CYP24A1: variants seen among roughly 807,000 people sequenced by gnomAD.
CYP24A1 encodes the protein 1,25-dihydroxyvitamin D(3) 24-hydroxylase, mitochondrial.
A neutral mutation model predicts 62.4 loss-of-function variants in CYP24A1; 68 were observed. The ratio of observed to expected loss-of-function variants is 1.09; its 90% CI spans 0.90 to 1.33. The LOEUF (loss-of-function observed/expected upper bound fraction) is 1.33. CYP24A1 is among the 40% of genes most tolerant of loss of function. The pLI is 0.00. For synonymous variants in CYP24A1, 267 were observed against 253.0 expected (o/e 1.06, Z -0.52); for missense variants, 787 against 653.0 (o/e 1.21, Z -2.24).
At chr20:54,161,121 T>A (rs148879761) in intron 7 of CYP24A1, among the ~76,000 whole-genome samples, 137 of 152,378 alleles carry the variant, frequency 9.0e-4, no homozygotes, top group Admixed American at 3.9e-3. Flanking sequence ...CACAAGGCTC[T>A]GGCTAACATG....
intron 7 of CYP24A1, among the ~76,000 whole-genome samples, chr20:54,159,401 T>TTTG (rs1257904473): frequency 1.3e-5 from 2 of 150,896 alleles, no homozygotes; most frequent in East Asian, 1.9e-4. Flanking sequence ...AATACAGTTT[T>TTTG]TTTTTTTTTT....
In CYP24A1 at chr20:54,173,702, G is replaced by A; in HGVS notation, c.-123C>T. On this transcript the variant is annotated 5_prime_UTR_variant, in exon 1 of 12. Coordinates refer to ENST00000216862, the MANE Select transcript of CYP24A1 (RefSeq NM_000782.5). This position sits in a 1 kb window ranked among gnomAD's most constrained non-coding sequence, Gnocchi z 7.2. ...AAAAGGAAGCAAAGAGGGCCAGCTG[G>A]TGTGATGGAGCGGGGTGAGGCGGGA... is the stretch of plus-strand genomic sequence containing the variant. The A allele has an allele frequency of 3.0e-6, 2 of 674,266 alleles. No homozygotes were observed. The highest frequency in any genetic ancestry group is 3.6e-5 in the South Asian group (2 of 56,086). 41.8% of individuals were successfully genotyped at this position (674,266 alleles called of 1,614,324 possible).
chr20:54,162,220 CTTTTTTTTTTTTTTT>C (rs530338632), intron 7 of CYP24A1, among the ~76,000 whole-genome samples: 9 of 72,534 alleles, frequency 1.2e-4, no homozygotes, highest in African/African-American at 1.9e-4. Flanking sequence ...GAGAGTATGC[CTTTTTTTTTTTTTTT>C]TTTTTTTTTT....
downstream of CYP24A1, among the ~76,000 whole-genome samples, chr20:54,149,836 C>T (rs1262659621): frequency 1.3e-5 from 2 of 152,218 alleles, no homozygotes; most frequent in African/African-American, 4.8e-5. Context: ...CCTTATTTCT[C>T]ATGCACATCT....
the CYP24A1 span, among the ~76,000 whole-genome samples, chr20:54,148,158 C>T: frequency 9.9e-5 from 15 of 151,982 alleles, 1 homozygote; most frequent in East Asian, 7.7e-4. Flanking sequence ...TTAACCACCT[C>T]GATACACTGC....
intron 4 of CYP24A1, among the ~76,000 whole-genome samples, chr20:54,168,846 T>TTCCTTCCTTCCTTCCTTCCTTC (rs2092682954): frequency 4.6e-5 from 2 of 43,436 alleles, no homozygotes; most frequent in Non-Finnish European, 8.4e-5. Context: ...CTCCCTCCCT[T>TTCCTTCCTTCCTTCCTTCCTTC]CTTCCTTCCT....
intron 4 of CYP24A1, 145 bp downstream of exon 4, chr20:54,169,447 C>A: frequency 6.6e-7 from 1 of 1,513,316 alleles, no homozygotes; most frequent in Non-Finnish European, 8.9e-7. Flanking sequence ...ATAACTTAAG[C>A]ACCTAAAAGA....
At chr20:54,160,312 T>C (rs1356515433) in intron 7 of CYP24A1, among the ~76,000 whole-genome samples, 1 of 152,266 alleles carries the variant, frequency 6.6e-6, no homozygotes, top group African/African-American at 2.4e-5. Context: ...AAACAGCCAA[T>C]GTAGCTTTAA....
At chr20:54,147,483 T>A in the CYP24A1 span, among the ~76,000 whole-genome samples, 1 of 152,176 alleles carries the variant, frequency 6.6e-6, no homozygotes, top group Non-Finnish European at 1.5e-5. Context: ...CCAGAAAGGA[T>A]TAGCTCCAGC....
rs1386322997 is a variant in CYP24A1 at position 54,157,158 on chromosome 20, T to C, written c.*10+11A>G. 11 of 1,305,704 alleles carry C rather than the reference T, an allele frequency of 8.4e-6. No homozygotes were observed. In the South Asian group the frequency reaches 1.1e-4, roughly 13 times the overall value. 80.9% of individuals were successfully genotyped at this position (1,305,704 alleles called of 1,614,324 possible). A position where few individuals can be genotyped will look rare whatever the true frequency, so the allele number is the denominator to read the frequency against. On this transcript the variant is annotated intron_variant, in intron 11 of 11. Coordinates refer to ENST00000216862, the MANE Select transcript of CYP24A1 (RefSeq NM_000782.5). ...ACCTTGCAGAGGATAATGAACCGCC[T>C]AGATGCTCACCTGAGGCGTATTATC...
In CYP24A1 at chr20:54,173,013, C is replaced by T. The variant is rs2092699549; in HGVS notation, c.345G>A (p.Leu115=). Residue 115 remains leucine, a synonymous_variant, in exon 2 of 12, where the codon CTG becomes CTA. Coordinates refer to ENST00000216862, the MANE Select transcript of CYP24A1 (RefSeq NM_000782.5). The surrounding 1 kb of genome is among the most constrained non-coding windows in gnomAD (Gnocchi z 7.2). ...CGCTCTCGGTGCGGTACAGCGCTTC[C>T]AGCAGGCATGGCGAGCCCAGGTGCA... ...ESVHLGSPCL[L]EALYRTESAY... is the part of the protein sequence containing the mutation. 1.9e-6 allele frequency: 3 copies of T among 1,611,416 alleles called. No homozygotes were observed. Among genetic ancestry groups the T allele is most frequent in the South Asian group, 2.2e-5 (2 of 91,090 alleles).
chr20:54,164,543 C>T lies in CYP24A1; in HGVS notation c.753G>A (p.Arg251=), dbSNP rs377533549. The T allele has an allele frequency of 2.7e-4, 440 of 1,614,034 alleles. No individual in the cohort carries two copies. Among genetic ancestry groups the T allele is most frequent in the Non-Finnish European group, 3.6e-4 (419 of 1,180,036 alleles). ...AIKTMMSTFG[R]MMVTPVELHK... ...GCAGCTCGACTGGAGTGACCATCAT[C>T]CTCCCAAACGTGCTCATCATCTGAG... Residue 251 remains arginine, a synonymous_variant, in exon 6 of 12, where the codon AGG becomes AGA. Transcript: ENST00000216862.
intron 4 of CYP24A1, among the ~76,000 whole-genome samples, chr20:54,169,241 C>T (rs1484530706): frequency 6.6e-6 from 1 of 152,118 alleles, no homozygotes; most frequent in African/African-American, 2.4e-5. Flanking sequence ...TTTTCCTTTA[C>T]TCCTTGGAAG....
intron 11 of CYP24A1, among the ~76,000 whole-genome samples, chr20:54,155,481 C>T (rs183265118): frequency 0.011 from 1,678 of 152,178 alleles, 34 homozygotes; most frequent in African/African-American, 0.038. Context: ...CACTTGCAAT[C>T]CCAGCACTTT....
At chr20:54,165,712 G>A (rs769366632) in intron 5 of CYP24A1, 30 bp downstream of exon 5, 1 of 1,091,198 alleles carries the variant, frequency 9.2e-7, no homozygotes, top group South Asian at 1.2e-5. Context: ...CATCAATCAA[G>A]AAAACTGCTT....
At chr20:54,169,832 A>G (rs1568974083) in intron 3 of CYP24A1, 144 bp from the exon 4 acceptor site, 7 of 1,514,874 alleles carry the variant, frequency 4.6e-6, no homozygotes, top group Non-Finnish European at 6.2e-6. Flanking sequence ...CACACTAATT[A>G]TATATTCTCC....
intron 5 of CYP24A1, 70 bp downstream of exon 5, chr20:54,165,672 G>A: frequency 1.1e-6 from 1 of 880,096 alleles, no homozygotes; most frequent in Non-Finnish European, 2.0e-6. Context: ...GGGAATCACT[G>A]TGAAGTTCTG....
At position 54,173,190 on chromosome 20, in the gene CYP24A1, G is replaced by C. The variant is rs951325990; in HGVS notation, c.259-91C>G. 6 of 1,540,484 alleles carry C rather than the reference G, an allele frequency of 3.9e-6. No homozygotes were observed. The African/African-American group carries it at 8.1e-5, about 21-fold the overall frequency. On this transcript the variant is annotated intron_variant, in intron 1 of 11. Coordinates refer to ENST00000216862, the MANE Select transcript of CYP24A1 (RefSeq NM_000782.5). This position sits in a 1 kb window ranked among gnomAD's most constrained non-coding sequence, Gnocchi z 7.2. ...TCCTCCCGCCTCCTTCCTCCTAGGG[G>C]ACCGGGGACCCTCCCTGCCCAGACG...
At chr20:54,168,616 A>G (rs903726807) in intron 4 of CYP24A1, among the ~76,000 whole-genome samples, 2 of 152,094 alleles carry the variant, frequency 1.3e-5, no homozygotes, top group African/African-American at 4.8e-5. Context: ...GACTTACCTC[A>G]AATGTCTTCT....
Sources: gnomAD v4.1 joint callset for allele counts (sites outside exome capture counted in the v4.1 genomes callset) on GRCh38, gnomAD v4.1.1 for gene constraint, Gnocchi (gnomAD v3.1) non-coding constraint, MANE v1.5 for transcripts, NCBI Gene and HGNC (gene_info 2026-07-23, HGNC 2026-07-21) for gene names.